The following PARD3B variants were observed in gnomAD, a reference collection of about 807,000 sequenced individuals.
PARD3B encodes the protein par-3 family cell polarity regulator beta.
Under a neutral mutation model 130.2 loss-of-function variants are expected in PARD3B, and 103 were observed. The ratio of observed to expected loss-of-function variants is 0.79; its 90% CI spans 0.67 to 0.93. PARD3B has a LOEUF of 0.93. Among genes scored for constraint, PARD3B ranks in the 40% least tolerant of loss-of-function variants. The pLI is 0.00. For missense variants in PARD3B, 1,609 were observed against 1,499.2 expected (o/e 1.07, Z -1.21); for synonymous variants, 583 against 553.2 (o/e 1.05, Z -0.76).
At chr2:204,809,019 C>G (rs144447440) in intron 2 of PARD3B, among the ~76,000 whole-genome samples, 1 of 152,230 alleles carries the variant, frequency 6.6e-6, no homozygotes, top group Admixed American at 6.5e-5. Context: ...TTGCATTTCT[C>G]TAATGATGAG....
chr2:205,380,271 T>TTA (rs368953528), intron 18 of PARD3B, among the ~76,000 whole-genome samples: 662 of 9,950 alleles, frequency 0.067, 187 homozygotes, highest in Middle Eastern at 0.11. Flanking sequence ...AGAATATATA[T>TTA]TATATAATAT....
At chr2:204,683,718 A>G (rs1306574526) in intron 1 of PARD3B, among the ~76,000 whole-genome samples, 2 of 152,056 alleles carry the variant, frequency 1.3e-5, no homozygotes. Flanking sequence ...TATGCCCATC[A>G]TTAGCCTACT....
chr2:205,289,569 G>A (rs1417471149), intron 16 of PARD3B, among the ~76,000 whole-genome samples: 4 of 152,258 alleles, frequency 2.6e-5, no homozygotes, highest in South Asian at 2.1e-4. Flanking sequence ...TGGAGCTGGG[G>A]CATAAAACTG....
chr2:205,062,912 T>G (rs1408459273), intron 4 of PARD3B, among the ~76,000 whole-genome samples: 1 of 152,164 alleles, frequency 6.6e-6, no homozygotes, highest in African/African-American at 2.4e-5. Context: ...ATTTCTGCAT[T>G]TTTAATGTAC....
chr2:205,124,378 G>A lies in PARD3B; in HGVS notation c.1217G>A (p.Gly406Asp). 6.3e-7 allele frequency: 1 copy of A among 1,599,866 alleles called. No individual in the cohort carries two copies. Among genetic ancestry groups the A allele is most frequent in the East Asian group, 2.3e-5 (1 of 44,194 alleles). Residue 406 changes from glycine (G) to aspartate (D), a missense_variant, in exon 9 of 23, where the codon GGT (glycine) becomes GAT (aspartate). Gly to Asp is a moderately conservative substitution (Grantham distance 94, BLOSUM62 -1). Coordinates refer to ENST00000406610, the MANE Select transcript of PARD3B (RefSeq NM_001302769.2). ...TVVTRDSSIH[G>D]PGPIFVKNIL... ...GTTACCAGAGACTCTTCCATACATG[G>A]TCCCGGTCCCATTTTTGTAAAAAAC...
At chr2:204,547,365 A>G (rs1454998435) in intron 1 of PARD3B, among the ~76,000 whole-genome samples, 4 of 152,188 alleles carry the variant, frequency 2.6e-5, no homozygotes, top group Non-Finnish European at 5.9e-5. Context: ...CTATTAATAT[A>G]TTAAATATAA....
At chr2:204,923,020 A>G (rs6738198) in intron 2 of PARD3B, among the ~76,000 whole-genome samples, 35,402 of 152,042 alleles carry the variant, frequency 0.23, 4,583 homozygotes, top group Non-Finnish European at 0.29. Flanking sequence ...AAACCTGAGA[A>G]GTGGCCTATG....
intron 1 of PARD3B, among the ~76,000 whole-genome samples, chr2:204,551,454 C>A (rs898897092): frequency 2.6e-5 from 4 of 152,124 alleles, no homozygotes; most frequent in South Asian, 4.1e-4. Context: ...TTACTCTGTG[C>A]TTATTTTCTC....
intron 3 of PARD3B, among the ~76,000 whole-genome samples, chr2:204,974,371 T>C (rs531907095): frequency 1.3e-5 from 2 of 152,348 alleles, no homozygotes; most frequent in Admixed American, 1.3e-4. Flanking sequence ...CACAACCTAT[T>C]TAAAATCATA....
In PARD3B at chr2:204,689,359, C is replaced by T. The variant is rs2037251242; in HGVS notation, c.222+3077C>T. On this transcript the variant is annotated intron_variant, in intron 2 of 22. Transcript: ENST00000406610. The surrounding 1 kb of genome is among the most constrained non-coding windows in gnomAD (Gnocchi z 5.2). ...TCCACTGTGTTACACTACTTCTAGC[C>T]TATATGTGTCAAAATATTATTGGAA... Among the ~76,000 whole-genome samples the T allele has an allele frequency of 6.6e-6, 1 of 152,086 alleles. No homozygotes were observed. Among genetic ancestry groups the T allele is most frequent in the African/African-American group, 2.4e-5 (1 of 41,406 alleles).
chr2:205,310,958 G>A (rs748440333), intron 18 of PARD3B, among the ~76,000 whole-genome samples: 2 of 151,912 alleles, frequency 1.3e-5, no homozygotes, highest in Admixed American at 6.6e-5. Flanking sequence ...TCCTGACCTC[G>A]TGATCTGCCC....
Position 205,562,487 on chromosome 2 carries a change from A to G in PARD3B, c.3260+9084A>G, listed in dbSNP as rs553979596. Among the ~76,000 whole-genome samples, 2 of 152,338 alleles carry G rather than the reference A, an allele frequency of 1.3e-5. No homozygotes were observed. The highest frequency in any genetic ancestry group is 2.9e-5 in the Non-Finnish European group (2 of 68,036). ...TAAGTACTCTTTTGAGAGGAAGAGT[A>G]TGTGCCTGCTCTTTCGAGAGTGCCA... On this transcript the variant is annotated intron_variant, in intron 22 of 22. Coordinates refer to ENST00000406610, the MANE Select transcript of PARD3B (RefSeq NM_001302769.2). The surrounding 1 kb of genome is among the most constrained non-coding windows in gnomAD (Gnocchi z 5.4).
chr2:205,477,714 C>T (rs1403915595), intron 20 of PARD3B, among the ~76,000 whole-genome samples: 2 of 152,148 alleles, frequency 1.3e-5, no homozygotes, highest in Non-Finnish European at 2.9e-5. Flanking sequence ...GTCAGCCCTA[C>T]AGTATGAGAA....
chr2:204,581,804 G>A (rs2125081931), intron 1 of PARD3B, among the ~76,000 whole-genome samples: 1 of 152,274 alleles, frequency 6.6e-6, no homozygotes, highest in Admixed American at 6.5e-5. Flanking sequence ...GAATCCAGGT[G>A]GGATGATTGC....
At chr2:204,705,835 A>C (rs769931236) in intron 2 of PARD3B, among the ~76,000 whole-genome samples, 6 of 152,168 alleles carry the variant, frequency 3.9e-5, no homozygotes, top group Non-Finnish European at 8.8e-5. Context: ...ACGCTAGCCA[A>C]GTGCATTATA....
At chr2:204,712,191 A>G (rs761088880) in intron 2 of PARD3B, among the ~76,000 whole-genome samples, 1 of 152,232 alleles carries the variant, frequency 6.6e-6, no homozygotes, top group African/African-American at 2.4e-5. Flanking sequence ...ATGATTAACA[A>G]AAATCTTTAA....
intron 2 of PARD3B, among the ~76,000 whole-genome samples, chr2:204,711,160 G>T (rs73984279): frequency 0.018 from 2,774 of 152,204 alleles, 87 homozygotes; most frequent in African/African-American, 0.063. Context: ...TATTTTGTAT[G>T]TTCTGATAAC....
At position 205,585,878 on chromosome 2, in the gene PARD3B, T is replaced by C. The variant is rs907363208; in HGVS notation, c.3261-29578T>C. Among the ~76,000 whole-genome samples, 9 of 152,192 alleles carry C rather than the reference T, an allele frequency of 5.9e-5. No homozygotes were observed. The highest frequency in any genetic ancestry group is 1.9e-4 in the African/African-American group (8 of 41,442). On this transcript the variant is annotated intron_variant, in intron 22 of 22. Coordinates refer to ENST00000406610, the MANE Select transcript of PARD3B (RefSeq NM_001302769.2). This position sits in a 1 kb window ranked among gnomAD's most constrained non-coding sequence, Gnocchi z 5.4. Reference sequence around the variant, plus strand: ...ATCCACCCTCCGGCCACAGCAGGTCTGGTGGTCACGGGAACCCACATCTTA... The same window carrying C: ...ATCCACCCTCCGGCCACAGCAGGTCCGGTGGTCACGGGAACCCACATCTTA...
chr2:205,412,647 C>A (rs2046639724), intron 19 of PARD3B, among the ~76,000 whole-genome samples: 1 of 152,070 alleles, frequency 6.6e-6, no homozygotes, highest in Non-Finnish European at 1.5e-5. Context: ...TAATTTCCAC[C>A]CCTGACCAAT....
Sources: allele counts gnomAD v4.1 joint callset (sites outside exome capture counted in the v4.1 genomes callset), GRCh38; gene constraint gnomAD v4.1.1; non-coding constraint Gnocchi (gnomAD v3.1); transcripts MANE v1.5; gene names NCBI Gene and HGNC (gene_info 2026-07-23, HGNC 2026-07-21).